Variants in GNG12 observed in about 807,000 individuals in gnomAD.
The protein encoded by GNG12 is guanine nucleotide-binding protein G(I)/G(S)/G(O) subunit gamma-12.
For synonymous variants in GNG12, 28 were observed against 29.7 expected, an observed-to-expected ratio of 0.94 and a Z score of 0.19; for missense variants, 69 against 83.8, an observed-to-expected ratio of 0.82 and a Z score of 0.69.
At chr1:67,803,647 CACA>C (rs1438361351) in intron 1 of GNG12, among the ~76,000 whole-genome samples, 1 of 152,220 alleles carries the variant, frequency 6.6e-6, no homozygotes, top group African/African-American at 2.4e-5. Flanking sequence ...CTTTTATCTT[CACA>C]ACAACCTTAC....
chr1:67,809,480 C>A (rs2100807045), intron 1 of GNG12, among the ~76,000 whole-genome samples: 1 of 152,150 alleles, frequency 6.6e-6, no homozygotes, highest in Middle Eastern at 3.4e-3. Flanking sequence ...AAGACAATGT[C>A]AAGAGAATGA....
intron 3 of GNG12, among the ~76,000 whole-genome samples, chr1:67,706,145 CG>C (rs1646246246): frequency 6.6e-6 from 1 of 152,030 alleles, no homozygotes; most frequent in South Asian, 2.1e-4. Context: ...TCCTGGTAAA[CG>C]GTTTATAAAT....
chr1:67,709,610 C>A (rs1021919206), intron 2 of GNG12, among the ~76,000 whole-genome samples: 1 of 151,260 alleles, frequency 6.6e-6, no homozygotes, highest in East Asian at 2.0e-4. Flanking sequence ...CTACCTCTTC[C>A]TCGGATTCCT....
intron 2 of GNG12, among the ~76,000 whole-genome samples, chr1:67,761,233 T>A (rs1646601564): frequency 6.6e-6 from 1 of 152,238 alleles, no homozygotes; most frequent in African/African-American, 2.4e-5. Context: ...AGTTATTGAA[T>A]GCTTACTCTG....
chr1:67,719,972 C>T (rs1414253082), intron 2 of GNG12, among the ~76,000 whole-genome samples: 3 of 152,198 alleles, frequency 2.0e-5, no homozygotes, highest in Non-Finnish European at 4.4e-5. Context: ...GCCTGAGTCT[C>T]GCACCCTGGG....
intron 1 of GNG12, among the ~76,000 whole-genome samples, chr1:67,823,960 G>A (rs904569601): frequency 1.3e-5 from 2 of 152,120 alleles, no homozygotes; most frequent in Non-Finnish European, 2.9e-5. Context: ...TTGTTATTCT[G>A]TGTGTGTGTG....
At chr1:67,817,044 C>T (rs1646957291) in intron 1 of GNG12, among the ~76,000 whole-genome samples, 1 of 152,160 alleles carries the variant, frequency 6.6e-6, no homozygotes, top group African/African-American at 2.4e-5. Context: ...ATGCATGGGA[C>T]ACTGCCTATC....
intron 2 of GNG12, among the ~76,000 whole-genome samples, chr1:67,750,248 TGA>T (rs1193971968): frequency 1.1e-4 from 17 of 152,258 alleles, no homozygotes; most frequent in South Asian, 4.1e-4. Context: ...CCAGGAAAAA[TGA>T]GAGAGTCTTT....
chr1:67,721,297 G>C (rs575643517), intron 2 of GNG12, among the ~76,000 whole-genome samples: 1 of 152,196 alleles, frequency 6.6e-6, no homozygotes, highest in African/African-American at 2.4e-5. Flanking sequence ...CCCCAGAGTG[G>C]AGTGACTCCA....
chr1:67,710,679 A>G (rs1646290050), intron 2 of GNG12, among the ~76,000 whole-genome samples: 1 of 152,172 alleles, frequency 6.6e-6, no homozygotes, highest in Non-Finnish European at 1.5e-5. Context: ...CAAGACTAAA[A>G]ACAGCCAGCA....
intron 1 of GNG12, among the ~76,000 whole-genome samples, chr1:67,799,007 C>T (rs1202848034): frequency 6.6e-6 from 1 of 152,044 alleles, no homozygotes; most frequent in Non-Finnish European, 1.5e-5. Context: ...ATTTTCTCCT[C>T]ATGCTTTTCT....
intron 2 of GNG12, among the ~76,000 whole-genome samples, chr1:67,761,875 T>C (rs1646607438): frequency 6.6e-6 from 1 of 151,038 alleles, no homozygotes; most frequent in Non-Finnish European, 1.5e-5. Context: ...GGACATTGAG[T>C]TTAATCACGG....
At chr1:67,742,648 C>T (rs571845999) in intron 2 of GNG12, among the ~76,000 whole-genome samples, 23 of 152,082 alleles carry the variant, frequency 1.5e-4, no homozygotes, top group Non-Finnish European at 2.2e-4. Flanking sequence ...TATAAGCTAT[C>T]TGAAAAAAGA....
chr1:67,735,362 C>T (rs1478437542), intron 2 of GNG12, among the ~76,000 whole-genome samples: 1 of 152,128 alleles, frequency 6.6e-6, no homozygotes, highest in East Asian at 1.9e-4. Flanking sequence ...AAATATTTTC[C>T]GAGGAACATC....
chr1:67,793,500 C>G (rs1646812851), intron 1 of GNG12, among the ~76,000 whole-genome samples: 1 of 151,834 alleles, frequency 6.6e-6, no homozygotes, highest in South Asian at 2.1e-4. Context: ...ATATCAAATA[C>G]TAAGTATTTG....
intron 2 of GNG12, among the ~76,000 whole-genome samples, chr1:67,737,961 C>A (rs1646461719): frequency 6.6e-6 from 1 of 151,244 alleles, no homozygotes; most frequent in Non-Finnish European, 1.5e-5. Flanking sequence ...TTTTCTTTTC[C>A]TTTTTTTTTC....
intron 3 of GNG12, among the ~76,000 whole-genome samples, chr1:67,707,291 C>A (rs181878259): frequency 3.3e-5 from 5 of 152,324 alleles, no homozygotes; most frequent in African/African-American, 1.2e-4. Flanking sequence ...CTACTTGGAA[C>A]CCCTGTCCCA....
intron 2 of GNG12, among the ~76,000 whole-genome samples, chr1:67,710,389 G>A (rs1227426579): frequency 2.0e-5 from 3 of 150,404 alleles, no homozygotes; most frequent in African/African-American, 4.9e-5. Context: ...CTTTCTAAAT[G>A]TTCCCTTTGC....
At chr1:67,755,320 C>G (rs1359673334) in intron 2 of GNG12, among the ~76,000 whole-genome samples, 3 of 152,214 alleles carry the variant, frequency 2.0e-5, no homozygotes, top group Non-Finnish European at 4.4e-5. Context: ...TTTTCTGTTA[C>G]TTGGAGCTCA....
Sources: allele counts gnomAD v4.1 joint callset (sites outside exome capture counted in the v4.1 genomes callset), GRCh38; gene constraint gnomAD v4.1.1; transcripts MANE v1.5; gene names NCBI Gene and HGNC (gene_info 2026-07-23, HGNC 2026-07-21).